Variants in RASGRP3 observed in about 807,000 individuals in gnomAD.
The protein encoded by RASGRP3 is ras guanyl-releasing protein 3.
Under a neutral mutation model 82.7 loss-of-function variants are expected in RASGRP3, and 54 were observed. The observed-to-expected ratio is 0.65, with a 90% CI of 0.52 to 0.82. RASGRP3 has a LOEUF of 0.82. Among genes scored for constraint, RASGRP3 ranks in the 40% least tolerant of loss-of-function variants. The pLI is 0.00. For missense variants in RASGRP3, 861 were observed against 828.9 expected, an observed-to-expected ratio of 1.04 and a Z score of -0.48; for synonymous variants, 309 against 300.5, an observed-to-expected ratio of 1.03 and a Z score of -0.29.
chr2:33,496,290 G>A (rs796714080), intron 1 of RASGRP3, among the ~76,000 whole-genome samples: 9 of 152,304 alleles, frequency 5.9e-5, no homozygotes, highest in African/African-American at 1.9e-4. Flanking sequence ...TATAGTGTGT[G>A]GACAGGAACT....
chr2:33,458,841 C>G (rs1666188453), intron 2 of RASGRP3, among the ~76,000 whole-genome samples: 1 of 151,998 alleles, frequency 6.6e-6, no homozygotes, highest in South Asian at 2.1e-4. Context: ...TTGTTTTTAC[C>G]CACTCGGCAG....
At chr2:33,460,831 T>A (rs1025446738) in intron 2 of RASGRP3, among the ~76,000 whole-genome samples, 5 of 152,156 alleles carry the variant, frequency 3.3e-5, no homozygotes, top group Admixed American at 6.5e-5. Context: ...AAGTATTTTA[T>A]AACATAAATC....
chr2:33,513,659 G>A (rs1671147733), intron 2 of RASGRP3, among the ~76,000 whole-genome samples: 1 of 152,180 alleles, frequency 6.6e-6, no homozygotes, highest in African/African-American at 2.4e-5. Context: ...AGTCCTATGG[G>A]GACCTGGCAT....
chr2:33,523,974 G>C lies in RASGRP3; in HGVS notation c.612G>C (p.Trp204Cys), dbSNP rs1296190573. Residue 204 changes from tryptophan to cysteine, a missense_variant, in exon 8 of 18, where the codon TGG (tryptophan) becomes TGC (cysteine). By Grantham distance (215) the Trp-to-Cys change is radical (BLOSUM62 -2). Coordinates refer to ENST00000403687, the MANE Select transcript of RASGRP3 (RefSeq NM_001139488.2). ...CTTTATTTAATGGAATCTCTAAGTGGGTCCAGTTGATGGTTCTTAGCAAAC... is the reference window on the plus strand; with the variant it reads ...CTTTATTTAATGGAATCTCTAAGTGCGTCCAGTTGATGGTTCTTAGCAAAC... ...SIALFNGISK[W>C]VQLMVLSKPT... 3 of 1,613,848 alleles carry C rather than the reference G, an allele frequency of 1.9e-6. No homozygotes were observed. The highest frequency in any genetic ancestry group is 2.5e-6 in the Non-Finnish European group (3 of 1,179,834).
upstream of RASGRP3, among the ~76,000 whole-genome samples, chr2:33,472,779 AC>A (rs1260713101): frequency 6.9e-6 from 1 of 145,736 alleles, no homozygotes; most frequent in Non-Finnish European, 1.5e-5. Context: ...ACATGGTGAA[AC>A]CCCGTCTCTA....
At position 33,558,945 on chromosome 2, in the gene RASGRP3, T is replaced by C. The variant is rs746228453; in HGVS notation, c.1979T>C (p.Val660Ala). The change falls in exon 17 of 18, where the codon GTG becomes GCG. Residue 660 changes from valine (V) to alanine (A), a missense_variant. Physicochemically the swap from Val to Ala is moderately conservative, Grantham distance 64 (BLOSUM62 0). Coordinates refer to ENST00000403687, the MANE Select transcript of RASGRP3 (RefSeq NM_001139488.2). Reference protein sequence around the residue: ...FAKWENEKPRVHAGVDVVDRG... With the variant: ...FAKWENEKPRAHAGVDVVDRG... ...AAATGGGAAAATGAGAAGCCCAGGGTGCATGCTGGTGTGGATGTTGTAGAC... is the reference window on the plus strand; with the variant it reads ...AAATGGGAAAATGAGAAGCCCAGGGCGCATGCTGGTGTGGATGTTGTAGAC... 11 of 1,613,788 alleles carry C rather than the reference T, an allele frequency of 6.8e-6. No homozygotes were observed. The highest frequency in any genetic ancestry group is 9.3e-6 in the Non-Finnish European group (11 of 1,179,862).
chr2:33,553,744 TTTATTA>T (rs759911729), intron 14 of RASGRP3, among the ~76,000 whole-genome samples: 1 of 152,140 alleles, frequency 6.6e-6, no homozygotes, highest in Non-Finnish European at 1.5e-5. Flanking sequence ...ATTTTATTTA[TTTATTA>T]TTATTATTTT....
At chr2:33,490,900 C>T (rs1340841339) in intron 1 of RASGRP3, among the ~76,000 whole-genome samples, 2 of 152,136 alleles carry the variant, frequency 1.3e-5, no homozygotes, top group Non-Finnish European at 2.9e-5. Context: ...AAGGTAGAGA[C>T]GTATTTGTTG....
intron 2 of RASGRP3, among the ~76,000 whole-genome samples, chr2:33,450,826 T>C (rs1263834699): frequency 2.2e-5 from 1 of 44,688 alleles, no homozygotes; most frequent in African/African-American, 1.2e-4. Flanking sequence ...TTCTTTCTTT[T>C]TTTTTTTTTT....
chr2:33,563,181 G>T lies in RASGRP3; in HGVS notation c.*444G>T, dbSNP rs181004148. 4.2e-4 allele frequency: 65 copies of T among 155,280 alleles called. No individual in the cohort carries two copies. The East Asian group carries it at 5.4e-3, about 13-fold the overall frequency. The allele number at this position is 155,280 out of a possible 1,614,324, so 9.6% of individuals were successfully genotyped here. On this transcript the variant is annotated 3_prime_UTR_variant, in exon 18 of 18. Coordinates refer to ENST00000403687, the MANE Select transcript of RASGRP3 (RefSeq NM_001139488.2). ...GTTAACAAGGAGTTTATTTAGAGGGGTTTTTTTCATTTTTTGTTTTTCTTG... is the reference window on the plus strand; with the variant it reads ...GTTAACAAGGAGTTTATTTAGAGGGTTTTTTTTCATTTTTTGTTTTTCTTG...
At chr2:33,513,835 A>T (rs1232743580) in intron 2 of RASGRP3, 1 of 152,222 alleles carries the variant, frequency 6.6e-6, no homozygotes, top group Non-Finnish European at 1.5e-5. Context: ...GTAACAGATA[A>T]TCTGTCTTAC....
chr2:33,536,171 A>G, intron 11 of RASGRP3, among the ~76,000 whole-genome samples: 1 of 151,848 alleles, frequency 6.6e-6, no homozygotes, highest in African/African-American at 2.4e-5. Context: ...GCATGCTAGC[A>G]TGTGCCTGTA....
chr2:33,467,980 T>TTCTTTC, intron 2 of RASGRP3, among the ~76,000 whole-genome samples: 1 of 116,412 alleles, frequency 8.6e-6, no homozygotes, highest in East Asian at 2.7e-4. Context: ...TGGTGAGGCT[T>TTCTTTC]TTTCTTTCTT....
At chr2:33,440,609 C>T (rs957111611) in intron 1 of RASGRP3, among the ~76,000 whole-genome samples, 21 of 152,170 alleles carry the variant, frequency 1.4e-4, no homozygotes, top group African/African-American at 5.1e-4. Flanking sequence ...TAGAATTCTC[C>T]ATCTTTTGGT....
intron 13 of RASGRP3, among the ~76,000 whole-genome samples, chr2:33,546,589 C>T (rs1674783842): frequency 6.6e-6 from 1 of 152,154 alleles, no homozygotes; most frequent in South Asian, 2.1e-4. Flanking sequence ...ACCCAGCAAT[C>T]CCATTACTGG....
chr2:33,517,776 C>G (rs1211995749), intron 4 of RASGRP3, among the ~76,000 whole-genome samples: 1 of 152,100 alleles, frequency 6.6e-6, no homozygotes, highest in East Asian at 1.9e-4. Flanking sequence ...ATGTACCCAC[C>G]AACAGCATTC....
chr2:33,440,796 G>A (rs1379511983), intron 1 of RASGRP3, among the ~76,000 whole-genome samples: 1 of 148,616 alleles, frequency 6.7e-6, no homozygotes, highest in Non-Finnish European at 1.5e-5. Context: ...TGTATGACAT[G>A]TGTGGCTAAA....
intron 1 of RASGRP3, chr2:33,492,981 G>A (rs1668989044): frequency 6.6e-6 from 1 of 152,218 alleles, no homozygotes; most frequent in Non-Finnish European, 1.5e-5. Context: ...TGAGTCTGCA[G>A]TGACAGGGTG....
intron 2 of RASGRP3, among the ~76,000 whole-genome samples, chr2:33,461,221 G>A (rs1381806960): frequency 6.6e-6 from 1 of 152,170 alleles, no homozygotes; most frequent in African/African-American, 2.4e-5. Context: ...TGAGCTTTGA[G>A]AAGACTCCTT....
Sources: allele counts gnomAD v4.1 joint callset (sites outside exome capture counted in the v4.1 genomes callset), GRCh38; gene constraint gnomAD v4.1.1; transcripts MANE v1.5; gene names NCBI Gene and HGNC (gene_info 2026-07-23, HGNC 2026-07-21).